CCDC91: variants seen among roughly 807,000 people sequenced by gnomAD.
The protein encoded by CCDC91 is coiled-coil domain-containing protein 91.
CCDC91 carries 48 observed loss-of-function variants against 63.2 expected under a neutral mutation model. The observed-to-expected ratio is 0.76, with a 90% CI of 0.60 to 0.97. The LOEUF (loss-of-function observed/expected upper bound fraction) is 0.97, where lower values mean the gene tolerates loss of function less well. Among genes scored for constraint, CCDC91 ranks in the 50% least tolerant of loss-of-function variants. The pLI is 0.00. For synonymous variants in CCDC91, 167 were observed against 165.8 expected (o/e 1.01, Z -0.06); for missense variants, 500 against 494.6 (o/e 1.01, Z -0.10).
At chr12:28,547,406 C>T (rs1396336706) in intron 12 of CCDC91, among the ~76,000 whole-genome samples, 1 of 151,972 alleles carries the variant, frequency 6.6e-6, no homozygotes, top group Non-Finnish European at 1.5e-5. Context: ...AGTAGATTGC[C>T]TTGTTTGATT....
intron 11 of CCDC91, among the ~76,000 whole-genome samples, chr12:28,456,166 T>C (rs531189322): frequency 2.0e-5 from 3 of 152,294 alleles, no homozygotes; most frequent in African/African-American, 7.2e-5. Context: ...TTCTGTAACA[T>C]TTATGGCGCC....
chr12:28,417,053 G>A (rs1362862136), intron 8 of CCDC91, among the ~76,000 whole-genome samples: 1 of 152,066 alleles, frequency 6.6e-6, no homozygotes, highest in Non-Finnish European at 1.5e-5. Flanking sequence ...AGCATTTGCT[G>A]TGTCTGTGAT....
intron 3 of CCDC91, among the ~76,000 whole-genome samples, chr12:28,275,708 T>G (rs1380434044): frequency 6.6e-6 from 1 of 152,058 alleles, no homozygotes; most frequent in Admixed American, 6.6e-5. Context: ...TGAACACCGA[T>G]GCAAAAATCC....
chr12:28,331,626 G>A (rs1941521128), intron 6 of CCDC91, among the ~76,000 whole-genome samples: 2 of 152,146 alleles, frequency 1.3e-5, no homozygotes, highest in African/African-American at 2.4e-5. Context: ...TTTACCCAGA[G>A]CTAGGAGATA....
intron 3 of CCDC91, among the ~76,000 whole-genome samples, chr12:28,275,958 G>C: frequency 6.6e-6 from 1 of 152,046 alleles, no homozygotes; most frequent in Non-Finnish European, 1.5e-5. Context: ...ATTAGGTATT[G>C]ATGGGACGTA....
intron 12 of CCDC91, among the ~76,000 whole-genome samples, chr12:28,501,982 G>GT (rs1937950507): frequency 6.6e-6 from 1 of 151,982 alleles, no homozygotes; most frequent in Non-Finnish European, 1.5e-5. Context: ...AGATTTTCTA[G>GT]TTTATTTGCA....
chr12:28,471,309 G>GA (rs1456130921), intron 11 of CCDC91, among the ~76,000 whole-genome samples: 1 of 152,118 alleles, frequency 6.6e-6, no homozygotes, highest in Non-Finnish European at 1.5e-5. Flanking sequence ...ACCTATATAT[G>GA]AACAAACTAT....
chr12:28,281,608 A>G (rs191093054), intron 3 of CCDC91, among the ~76,000 whole-genome samples: 46 of 152,306 alleles, frequency 3.0e-4, no homozygotes, highest in Admixed American at 2.9e-3. Context: ...CTATCACAGT[A>G]TTCTTATTTT....
chr12:28,451,411 T>G (rs1392914008), intron 10 of CCDC91, among the ~76,000 whole-genome samples: 2 of 151,616 alleles, frequency 1.3e-5, no homozygotes, highest in Non-Finnish European at 3.0e-5. Flanking sequence ...GTGGACAAGT[T>G]GTATACTGCT....
intron 1 of CCDC91, among the ~76,000 whole-genome samples, chr12:28,218,728 TG>T (rs1943735536): frequency 2.6e-5 from 4 of 151,348 alleles, no homozygotes; most frequent in Non-Finnish European, 5.9e-5. Context: ...TGTGTGTGTG[TG>T]TATGTATGTA....
At chr12:28,435,662 A>C (rs1280109689) in intron 8 of CCDC91, among the ~76,000 whole-genome samples, 1 of 151,772 alleles carries the variant, frequency 6.6e-6, no homozygotes, top group African/African-American at 2.4e-5. Flanking sequence ...TGAGGTTCTT[A>C]TGATTTGTGG....
chr12:28,196,333 A>G (rs1422671149), intron 1 of CCDC91, among the ~76,000 whole-genome samples: 2 of 144,562 alleles, frequency 1.4e-5, no homozygotes, highest in South Asian at 2.1e-4. Flanking sequence ...TTTGAATTTT[A>G]CAACCTTGTT....
In CCDC91 at chr12:28,190,486, C is replaced by A. The variant is rs1452986503; in HGVS notation, c.-170C>A. Reference sequence around the variant, plus strand: ...TGTTCGAAGCCGGGTGGTGCGTGGGCTACCCCAACCTGTGTGGCTGGGCCG... The same window carrying A: ...TGTTCGAAGCCGGGTGGTGCGTGGGATACCCCAACCTGTGTGGCTGGGCCG... On this transcript the variant is annotated 5_prime_UTR_variant, in exon 1 of 13. Coordinates refer to ENST00000536442, the MANE Select transcript of CCDC91 (RefSeq NM_018318.5). 6.5e-6 allele frequency: 1 copy of A among 152,776 alleles called. No homozygotes were observed. The highest frequency in any genetic ancestry group is 2.4e-5 in the African/African-American group (1 of 41,452). 9.5% of individuals were successfully genotyped at this position (152,776 alleles called of 1,614,324 possible).
Position 28,450,347 on chromosome 12 carries a change from C to T in CCDC91, c.856-3C>T, listed in dbSNP as rs1267594730. ...TCTTTCCAACTGTTTTATCATTTGACAGGAAATATTGGAAAAGTGTTTGGA... is the reference window on the plus strand; with the variant it reads ...TCTTTCCAACTGTTTTATCATTTGATAGGAAATATTGGAAAAGTGTTTGGA... On this transcript the variant is annotated splice_region_variant and splice_polypyrimidine_tract_variant and intron_variant, in intron 9 of 12. Transcript: ENST00000536442. 3.7e-6 allele frequency: 6 copies of T among 1,610,146 alleles called. No individual in the cohort carries two copies. Among genetic ancestry groups the T allele is most frequent in the Non-Finnish European group, 5.1e-6 (6 of 1,177,096 alleles).
At chr12:28,295,188 T>G (rs183698547) in intron 3 of CCDC91, among the ~76,000 whole-genome samples, 232 of 152,310 alleles carry the variant, frequency 1.5e-3, no homozygotes, top group Non-Finnish European at 2.4e-3. Flanking sequence ...TCACTCTCTA[T>G]AAATTTGTCC....
chr12:28,318,615 C>A (rs1940162737), intron 6 of CCDC91, among the ~76,000 whole-genome samples: 1 of 151,772 alleles, frequency 6.6e-6, no homozygotes, highest in Non-Finnish European at 1.5e-5. Context: ...ATTTTAGTCT[C>A]AAAAAATGCC....
At chr12:28,356,188 A>G (rs1943514090) in intron 6 of CCDC91, among the ~76,000 whole-genome samples, 2 of 152,140 alleles carry the variant, frequency 1.3e-5, no homozygotes, top group Admixed American at 1.3e-4. Context: ...TTCTATGGGA[A>G]AGACTTCTGT....
At chr12:28,468,111 A>G (rs1161643922) in intron 11 of CCDC91, among the ~76,000 whole-genome samples, 1 of 152,024 alleles carries the variant, frequency 6.6e-6, no homozygotes, top group Non-Finnish European at 1.5e-5. Flanking sequence ...TGAAACTGAC[A>G]TGAAGAAAAC....
chr12:28,387,538 C>G (rs983587365), intron 7 of CCDC91, among the ~76,000 whole-genome samples: 3 of 152,066 alleles, frequency 2.0e-5, no homozygotes, highest in African/African-American at 7.2e-5. Flanking sequence ...TCCCTCACCC[C>G]CTTCCTACCC....
Sources: gnomAD v4.1 joint callset for allele counts (sites outside exome capture counted in the v4.1 genomes callset) on GRCh38, gnomAD v4.1.1 for gene constraint, MANE v1.5 for transcripts, NCBI Gene and HGNC (gene_info 2026-07-23, HGNC 2026-07-21) for gene names.